CCDC170: variants seen among roughly 807,000 people sequenced by gnomAD.
CCDC170 encodes coiled-coil domain containing 170, also known as coiled-coil domain-containing protein 170.
CCDC170 carries 69 observed loss-of-function variants against 72.6 expected under a neutral mutation model. The observed-to-expected ratio is 0.95, with a 90% CI of 0.78 to 1.16. The LOEUF is 1.16. Ranked by LOEUF, CCDC170 falls within the 50% of genes most tolerant of loss-of-function variation. The probability of loss-of-function intolerance (pLI) is 0.00; values close to 1 mark genes in which losing one functional copy is unlikely to be tolerated. For synonymous variants in CCDC170, 300 were observed against 303.9 expected, an observed-to-expected ratio of 0.99 and a Z score of 0.13; for missense variants, 852 against 832.5, an observed-to-expected ratio of 1.02 and a Z score of -0.29.
intron 5 of CCDC170, among the ~76,000 whole-genome samples, chr6:151,559,603 G>C (rs1783043630): frequency 6.6e-6 from 1 of 151,840 alleles, no homozygotes; most frequent in Non-Finnish European, 1.5e-5. Context: ...GAGTTTTTTT[G>C]GTGTCTTTTG....
intron 1 of CCDC170, among the ~76,000 whole-genome samples, chr6:151,522,417 C>T (rs573848932): frequency 4.6e-5 from 7 of 152,150 alleles, no homozygotes; most frequent in Non-Finnish European, 1.0e-4. Context: ...GTAAAGGAAC[C>T]TTTTTCAATG....
At chr6:151,592,829 G>A (rs1776562673) in intron 7 of CCDC170, among the ~76,000 whole-genome samples, 1 of 152,204 alleles carries the variant, frequency 6.6e-6, no homozygotes, top group Admixed American at 6.5e-5. Context: ...ATAGCCAAAT[G>A]TGTTGTTTGG....
chr6:151,527,050 ATTTTTTTTT>A (rs56941290), intron 1 of CCDC170, among the ~76,000 whole-genome samples: 5 of 69,684 alleles, frequency 7.2e-5, no homozygotes, highest in Admixed American at 4.0e-4. Flanking sequence ...ATGCTTAGCT[ATTTTTTTTT>A]TTTTTTTTTT....
rs188334770 is a variant in CCDC170, at chr6:151,567,929, G to A, written c.775-5245G>A. On this transcript the variant is annotated intron_variant, in intron 5 of 10. Transcript: ENST00000239374. ...AGTTCAAGACCAGCCTGACCAACAC[G>A]GTGAAACCCTATCTCTACTAAAAAT... Among the ~76,000 whole-genome samples, 308 of 151,896 alleles carry A rather than the reference G, an allele frequency of 2.0e-3. 3 individuals carry two copies. The highest frequency in any genetic ancestry group is 7.1e-3 in the African/African-American group (294 of 41,444).
chr6:151,527,770 T>C (rs981628968), intron 1 of CCDC170, among the ~76,000 whole-genome samples: 3 of 152,110 alleles, frequency 2.0e-5, no homozygotes, highest in Non-Finnish European at 4.4e-5. Context: ...CCTGCGGTAA[T>C]ACAATTGTGC....
chr6:151,543,571 T>C (rs891299785), intron 3 of CCDC170, among the ~76,000 whole-genome samples: 2 of 152,200 alleles, frequency 1.3e-5, no homozygotes, highest in Admixed American at 6.5e-5. Context: ...TATAACTTTA[T>C]AACTATCTTT....
chr6:151,577,765 C>T (rs1776324962), intron 6 of CCDC170, among the ~76,000 whole-genome samples: 1 of 152,238 alleles, frequency 6.6e-6, no homozygotes, highest in Non-Finnish European at 1.5e-5. Context: ...CCTGAGTTCA[C>T]CTCCTGTCAG....
chr6:151,545,732 T>C (rs1477873460), intron 4 of CCDC170, among the ~76,000 whole-genome samples: 1 of 152,134 alleles, frequency 6.6e-6, no homozygotes, highest in Non-Finnish European at 1.5e-5. Context: ...CTTCTTGGGC[T>C]CAAGTGATCC....
At chr6:151,547,425 C>T (rs1782793012) in intron 4 of CCDC170, among the ~76,000 whole-genome samples, 1 of 152,146 alleles carries the variant, frequency 6.6e-6, no homozygotes. Context: ...AAGCAAGTCA[C>T]AGGTGTTGGA....
chr6:151,516,343 C>G (rs577659593), intron 1 of CCDC170, among the ~76,000 whole-genome samples: 67 of 152,254 alleles, frequency 4.4e-4, no homozygotes, highest in African/African-American at 1.6e-3. Flanking sequence ...TTGGAATGCC[C>G]TTGGCCAAGA....
At chr6:151,550,956 A>G (rs1782868106) in intron 5 of CCDC170, among the ~76,000 whole-genome samples, 1 of 152,216 alleles carries the variant, frequency 6.6e-6, no homozygotes, top group African/African-American at 2.4e-5. Context: ...TGGGGAAGAT[A>G]CAAATCAGTC....
intron 4 of CCDC170, among the ~76,000 whole-genome samples, chr6:151,546,687 C>T (rs1020160109): frequency 6.6e-6 from 1 of 152,170 alleles, no homozygotes; most frequent in African/African-American, 2.4e-5. Context: ...AATAGCCAAC[C>T]CTAAGTCTGC....
chr6:151,577,952 C>T (rs534437270), intron 6 of CCDC170, among the ~76,000 whole-genome samples: 2 of 152,270 alleles, frequency 1.3e-5, no homozygotes, highest in East Asian at 3.9e-4. Flanking sequence ...GACAAAAAGG[C>T]TGGTGATCTC....
rs545545795 is a variant in CCDC170 at position 151,553,066 on chromosome 6, C to T, written c.774+4577C>T. 2.6e-4 allele frequency among the ~76,000 whole-genome samples: 40 copies of T among 152,228 alleles called. No homozygotes were observed. In the South Asian group the frequency reaches 7.5e-3, roughly 28 times the overall value. ...CCTCCCAAAGTGCTGGGATTACAGGCATGAGCCACTGCGCCTGGCCTACCA... is the reference window on the plus strand; with the variant it reads ...CCTCCCAAAGTGCTGGGATTACAGGTATGAGCCACTGCGCCTGGCCTACCA... On this transcript the variant is annotated intron_variant, in intron 5 of 10. Transcript: ENST00000239374.
chr6:151,550,382 G>A (rs1234309992), intron 5 of CCDC170, among the ~76,000 whole-genome samples: 1 of 152,192 alleles, frequency 6.6e-6, no homozygotes, highest in Admixed American at 6.5e-5. Context: ...GTGGGTGCAG[G>A]AGAAGGAGTT....
chr6:151,527,351 T>G (rs544858404), intron 1 of CCDC170, among the ~76,000 whole-genome samples: 1 of 152,300 alleles, frequency 6.6e-6, no homozygotes, highest in Admixed American at 6.5e-5. Context: ...AAGGTATAGA[T>G]GCTCAGATAT....
At chr6:151,504,060 C>A (rs912738669) in intron 1 of CCDC170, among the ~76,000 whole-genome samples, 5 of 152,118 alleles carry the variant, frequency 3.3e-5, no homozygotes, top group Admixed American at 2.6e-4. Context: ...TTGAATTTGA[C>A]AGTTGTATGA....
intron 5 of CCDC170, among the ~76,000 whole-genome samples, chr6:151,554,229 C>T (rs1310677305): frequency 6.8e-6 from 1 of 147,232 alleles, no homozygotes; most frequent in Non-Finnish European, 1.5e-5. Context: ...AGTCATTTTG[C>T]CTGGGCAAGC....
At position 151,494,091 on chromosome 6, in the gene CCDC170, G is replaced by T; in HGVS notation, c.-38G>T. The T allele has an allele frequency of 1.4e-6, 2 of 1,481,110 alleles. No homozygotes were observed. Among genetic ancestry groups the T allele is most frequent in the East Asian group, 2.9e-5 (1 of 33,920 alleles). 91.7% of individuals were successfully genotyped at this position (1,481,110 alleles called of 1,614,324 possible). On this transcript the variant is annotated 5_prime_UTR_variant, in exon 1 of 11. Transcript: ENST00000239374. ...CCGGCGCCGCCGCTTCCTCAGGGCCGGTTCCGGGTCCGAGCGCGCCCCCGG... is the reference window on the plus strand; with the variant it reads ...CCGGCGCCGCCGCTTCCTCAGGGCCTGTTCCGGGTCCGAGCGCGCCCCCGG...
Sources: allele counts gnomAD v4.1 joint callset (sites outside exome capture counted in the v4.1 genomes callset), GRCh38; gene constraint gnomAD v4.1.1; transcripts MANE v1.5; gene names NCBI Gene and HGNC (gene_info 2026-07-23, HGNC 2026-07-21).